TAF12: variants seen among roughly 807,000 people sequenced by gnomAD.
The protein encoded by TAF12 is transcription initiation factor TFIID subunit 12.
In TAF12, 3 loss-of-function variants were observed where a neutral mutation model predicts 20.8. The observed-to-expected ratio is 0.14, with a 90% confidence interval of 0.07 to 0.37. TAF12 has a LOEUF of 0.37. Among genes scored for constraint, TAF12 ranks in the 10% least tolerant of loss-of-function variants. The pLI is 1.00. For missense variants in TAF12, 131 were observed against 197.9 expected (o/e 0.66, Z 2.03); for synonymous variants, 69 against 70.2 (o/e 0.98, Z 0.09).
chr1:28,615,322 G>C (rs770090670), intron 3 of TAF12, among the ~76,000 whole-genome samples: 10 of 152,028 alleles, frequency 6.6e-5, no homozygotes, highest in Non-Finnish European at 1.0e-4. Flanking sequence ...AAAGATTTCA[G>C]ATTAAACAGC....
At chr1:28,621,884 T>C (rs2124338065) in intron 2 of TAF12, 30 bp downstream of exon 2, 1 of 1,608,552 alleles carries the variant, frequency 6.2e-7, no homozygotes, top group Non-Finnish European at 8.5e-7. Flanking sequence ...AAGAAGTGGC[T>C]ACAGAGAAGA....
intron 1 of TAF12, among the ~76,000 whole-genome samples, chr1:28,627,681 A>AAC (rs1386188794): frequency 6.7e-6 from 1 of 150,216 alleles, no homozygotes; most frequent in African/African-American, 2.4e-5. Context: ...AAAAAAAAAA[A>AAC]AAAAAACTAA....
chr1:28,617,933 G>A lies in TAF12; in HGVS notation c.246+20C>T. ...CCGGTTCTCAGGGACCAGTTTCTGG[G>A]GTACCCAACCCCACCTTACCTCCTC... On this transcript the variant is annotated intron_variant, in intron 3 of 5. Coordinates refer to ENST00000373824, the MANE Select transcript of TAF12 (RefSeq NM_005644.4). The A allele has an allele frequency of 6.2e-7, 1 of 1,613,220 alleles. No homozygotes were observed. Among genetic ancestry groups the A allele is most frequent in the Non-Finnish European group, 8.5e-7 (1 of 1,179,410 alleles).
At chr1:28,628,012 G>C (rs913761708) in intron 1 of TAF12, among the ~76,000 whole-genome samples, 1 of 151,890 alleles carries the variant, frequency 6.6e-6, no homozygotes, top group Non-Finnish European at 1.5e-5. Flanking sequence ...TCCTCCCATT[G>C]AGCATTCAAG....
intron 1 of TAF12, among the ~76,000 whole-genome samples, chr1:28,622,613 G>A (rs913615509): frequency 1.3e-5 from 2 of 152,094 alleles, no homozygotes; most frequent in Non-Finnish European, 1.5e-5. Context: ...CTAGGGCCGC[G>A]TGCAGTAGCT....
intron 1 of TAF12, among the ~76,000 whole-genome samples, chr1:28,632,864 T>C (rs961850773): frequency 3.3e-5 from 5 of 152,210 alleles, no homozygotes; most frequent in Admixed American, 2.6e-4. Flanking sequence ...ATATAAATTT[T>C]AAAAAATATG....
intron 4 of TAF12, among the ~76,000 whole-genome samples, chr1:28,606,327 C>T (rs1410576826): frequency 5.3e-5 from 8 of 151,862 alleles, no homozygotes; most frequent in Non-Finnish European, 1.2e-4. Context: ...TTAGTAGAAA[C>T]GGGGTTTCAC....
At chr1:28,607,445 C>G (rs1212410806) in intron 4 of TAF12, among the ~76,000 whole-genome samples, 1 of 152,024 alleles carries the variant, frequency 6.6e-6, no homozygotes, top group Non-Finnish European at 1.5e-5. Flanking sequence ...CCAAAGTGGG[C>G]GGATCACCTG....
At chr1:28,605,212 A>G in intron 5 of TAF12, 160 bp downstream of exon 5, 1 of 651,208 alleles carries the variant, frequency 1.5e-6, no homozygotes, top group Admixed American at 2.8e-5. Flanking sequence ...TCTCCCGGAG[A>G]CCGCTGCTGC....
chr1:28,628,507 G>A (rs183771701), intron 1 of TAF12, among the ~76,000 whole-genome samples: 2 of 152,092 alleles, frequency 1.3e-5, no homozygotes, highest in Non-Finnish European at 2.9e-5. Flanking sequence ...GAGGAATAGA[G>A]ACTGGCTGCT....
intron 1 of TAF12, among the ~76,000 whole-genome samples, chr1:28,623,539 G>T (rs1408364484): frequency 6.6e-6 from 1 of 151,870 alleles, no homozygotes; most frequent in African/African-American, 2.4e-5. Flanking sequence ...ACATTTTTGA[G>T]AACTTTGTAA....
intron 1 of TAF12, among the ~76,000 whole-genome samples, chr1:28,640,785 T>G (rs1319556325): frequency 6.6e-6 from 1 of 152,216 alleles, no homozygotes; most frequent in Admixed American, 6.6e-5. Flanking sequence ...CTGAGCTTTA[T>G]TTAAAGGTTC....
Position 28,643,031 on chromosome 1 carries a change from C to G in TAF12, c.-124G>C, listed in dbSNP as rs1422380660. On this transcript the variant is annotated 5_prime_UTR_variant, in exon 1 of 6. Transcript: ENST00000373824. ...ATCTCCCCATGATATGCAGAGACTGCCCCAGTGAAGCGTTCGTCTCAGCAG... is the reference window on the plus strand; with the variant it reads ...ATCTCCCCATGATATGCAGAGACTGGCCCAGTGAAGCGTTCGTCTCAGCAG... 1 of 985,936 alleles carries G rather than the reference C, an allele frequency of 1.0e-6. No individual in the cohort carries two copies. The highest frequency in any genetic ancestry group is 1.2e-6 in the Non-Finnish European group (1 of 829,972). 61.1% of individuals were successfully genotyped at this position (985,936 alleles called of 1,614,324 possible).
Position 28,631,457 on chromosome 1 carries a change from G to A in TAF12, c.-84-9292C>T, listed in dbSNP as rs759755579. On this transcript the variant is annotated intron_variant, in intron 1 of 5. Transcript: ENST00000373824. ...GGAGAATCACCGAAACCTGGGAGGC[G>A]GAGGTTACAGTGAGCTGAGATTGCA... is the stretch of plus-strand genomic sequence containing the variant. Among the ~76,000 whole-genome samples, 11 of 152,032 alleles carry A rather than the reference G, an allele frequency of 7.2e-5. No homozygotes were observed. In the East Asian group the frequency reaches 1.7e-3, roughly 24 times the overall value.
intron 1 of TAF12, among the ~76,000 whole-genome samples, chr1:28,627,002 G>T (rs1048423891): frequency 6.6e-6 from 1 of 152,066 alleles, no homozygotes; most frequent in Non-Finnish European, 1.5e-5. Context: ...ATCAAATTAG[G>T]ATTTTTTTTT....
chr1:28,643,662 A>G (rs1018354407), upstream of TAF12: 4 of 152,242 alleles, frequency 2.6e-5, no homozygotes, highest in Admixed American at 1.3e-4. Flanking sequence ...GTTCTAGCTA[A>G]TAAGTGCAGA....
intron 4 of TAF12, 94 bp downstream of exon 4, chr1:28,613,153 G>T: frequency 2.1e-6 from 2 of 975,542 alleles, no homozygotes; most frequent in South Asian, 2.0e-5. Context: ...CCAAAAGTCT[G>T]GTTCTGGCAT....
At chr1:28,617,916 C>T in intron 3 of TAF12, 37 bp downstream of exon 3, 1 of 1,602,476 alleles carries the variant, frequency 6.2e-7, no homozygotes, top group Non-Finnish European at 8.6e-7. Flanking sequence ...TACCGGTTCT[C>T]AGGGACCAGT....
At chr1:28,634,942 G>C (rs2124376785) in intron 1 of TAF12, among the ~76,000 whole-genome samples, 2 of 138,602 alleles carry the variant, frequency 1.4e-5, no homozygotes, top group East Asian at 4.5e-4. Flanking sequence ...AAATAAATAA[G>C]TAGGCCAGGC....
Sources: gnomAD v4.1 joint callset for allele counts (sites outside exome capture counted in the v4.1 genomes callset) on GRCh38, gnomAD v4.1.1 for gene constraint, MANE v1.5 for transcripts, NCBI Gene and HGNC (gene_info 2026-07-23, HGNC 2026-07-21) for gene names.